NHS: variants seen among roughly 807,000 people sequenced by gnomAD.
The protein encoded by NHS is actin remodeling regulator NHS.
NHS carries 5 observed loss-of-function variants against 72.5 expected under a neutral mutation model. The ratio of observed to expected loss-of-function variants is 0.07; its 90% CI spans 0.04 to 0.14. The LOEUF (loss-of-function observed/expected upper bound fraction) is 0.14. NHS is among the 10% of genes least tolerant of loss of function. The pLI, the probability that NHS is intolerant of heterozygous loss-of-function variation, is 1.00. For synonymous variants in NHS, 464 were observed against 547.7 expected (o/e 0.85, Z 2.13); for missense variants, 1,072 against 1,355.7 (o/e 0.79, Z 3.29).
At position 17,455,835 on chromosome X, in the gene NHS, G is replaced by T. The variant is rs984135548; in HGVS notation, c.565+79513G>T. ...CTCAACTCAGAGTTGAGCTGCTTTT[G>T]CTTGATGTGGCAGTTGAACCCCTCC... On this transcript the variant is annotated intron_variant, in intron 1 of 8. Coordinates refer to ENST00000676302, the MANE Select transcript of NHS (RefSeq NM_001291867.2). 2.7e-5 allele frequency among the ~76,000 whole-genome samples: 3 copies of T among 111,218 alleles called. No homozygotes were observed. In the East Asian group the frequency reaches 8.5e-4, roughly 31 times the overall value.
chrX:17,645,981 C>A (rs1359456118), intron 1 of NHS, among the ~76,000 whole-genome samples: 2 of 111,536 alleles, frequency 1.8e-5, no homozygotes, highest in African/African-American at 3.3e-5. Context: ...TAGGTTCTTG[C>A]TCTTCTGACA....
chrX:17,653,254 G>A (rs1465136173), intron 1 of NHS, among the ~76,000 whole-genome samples: 4 of 111,394 alleles, frequency 3.6e-5, no homozygotes, highest in Non-Finnish European at 7.5e-5. Flanking sequence ...TATAAATTAG[G>A]TATTCTTATT....
intron 1 of NHS, among the ~76,000 whole-genome samples, chrX:17,613,093 C>T (rs1301897633): frequency 1.8e-5 from 2 of 110,394 alleles, no homozygotes; most frequent in East Asian, 5.7e-4. Flanking sequence ...GGTGCTAAGG[C>T]TGGGCACAGT....
Position 17,603,322 on chromosome X carries a change from C to T in NHS, c.566-84420C>T, listed in dbSNP as rs186512266. Among the ~76,000 whole-genome samples the T allele has an allele frequency of 2.2e-4, 25 of 112,212 alleles. No homozygotes were observed. In the East Asian group the frequency reaches 3.6e-3, roughly 16 times the overall value. ...ATTTCTTTTCTTTGGAATTTAGCAA[C>T]GGTGATTTTAGGCTTGGGGGTTTAA... On this transcript the variant is annotated intron_variant, in intron 1 of 8. Coordinates refer to ENST00000676302, the MANE Select transcript of NHS (RefSeq NM_001291867.2).
chrX:17,437,588 C>G (rs1388369317), intron 1 of NHS, among the ~76,000 whole-genome samples: 1 of 111,246 alleles, frequency 9.0e-6, no homozygotes, highest in African/African-American at 3.3e-5. Flanking sequence ...TTTCCGGTGT[C>G]ATAGTGATCA....
At chrX:17,682,792 G>C (rs752724527) in intron 1 of NHS, among the ~76,000 whole-genome samples, 2 of 111,091 alleles carry the variant, frequency 1.8e-5, no homozygotes. Flanking sequence ...AAAGCTGTAA[G>C]GCAATGGGAT....
intron 3 of NHS, among the ~76,000 whole-genome samples, chrX:17,704,211 G>A (rs915172301): frequency 9.0e-6 from 1 of 111,060 alleles, no homozygotes; most frequent in African/African-American, 3.3e-5. Flanking sequence ...CCAGGAGTTG[G>A]AGGCTGCAGT....
At chrX:17,663,845 TA>T (rs2065994626) in intron 1 of NHS, among the ~76,000 whole-genome samples, 1 of 111,999 alleles carries the variant, frequency 8.9e-6, no homozygotes, top group Admixed American at 9.4e-5. Context: ...ATCAGGGTTC[TA>T]GTTGTTCTGC....
At chrX:17,706,314 A>C (rs910723781) in intron 3 of NHS, among the ~76,000 whole-genome samples, 1 of 111,710 alleles carries the variant, frequency 9.0e-6, no homozygotes, top group Non-Finnish European at 1.9e-5. Context: ...AAACTGACAA[A>C]ATTTAAATAA....
At chrX:17,496,727 A>G (rs2065014224) in intron 1 of NHS, among the ~76,000 whole-genome samples, 1 of 111,262 alleles carries the variant, frequency 9.0e-6, no homozygotes, top group African/African-American at 3.3e-5. Context: ...AATAATTTCA[A>G]CCTTTGTTAT....
intron 1 of NHS, among the ~76,000 whole-genome samples, chrX:17,537,139 C>G (rs1043624325): frequency 8.9e-6 from 1 of 112,427 alleles, no homozygotes; most frequent in Non-Finnish European, 1.9e-5. Flanking sequence ...TTCCTTCCAT[C>G]TGTCCCATCT....
intron 1 of NHS, among the ~76,000 whole-genome samples, chrX:17,436,221 C>T (rs912134921): frequency 9.0e-6 from 1 of 111,508 alleles, no homozygotes; most frequent in Non-Finnish European, 1.9e-5. Context: ...GGTTGTGTCT[C>T]TCAGAAGGTT....
At chrX:17,537,144 C>G (rs923860818) in intron 1 of NHS, among the ~76,000 whole-genome samples, 1 of 112,122 alleles carries the variant, frequency 8.9e-6, no homozygotes, top group Non-Finnish European at 1.9e-5. Flanking sequence ...TCCATCTGTC[C>G]CATCTCGGGC....
At chrX:17,435,837 G>A (rs959933189) in intron 1 of NHS, among the ~76,000 whole-genome samples, 1 of 111,830 alleles carries the variant, frequency 8.9e-6, no homozygotes, top group Admixed American at 9.4e-5. Context: ...CTCCTCTTGG[G>A]CCTATCAGTC....
At chrX:17,712,288 TATAC>T (rs1466555799) in intron 3 of NHS, among the ~76,000 whole-genome samples, 108 of 74,119 alleles carry the variant, frequency 1.5e-3, no homozygotes, top group Non-Finnish European at 2.0e-3. Flanking sequence ...TATATATATA[TATAC>T]ACACACACAC....
At chrX:17,419,613 A>G (rs747174746) in intron 1 of NHS, among the ~76,000 whole-genome samples, 27 of 110,950 alleles carry the variant, frequency 2.4e-4, no homozygotes, top group Non-Finnish European at 4.1e-4. Context: ...GTGCATATAT[A>G]TGATAGAAAG....
intron 1 of NHS, among the ~76,000 whole-genome samples, chrX:17,594,692 C>T (rs1004408221): frequency 1.2e-4 from 13 of 112,790 alleles, no homozygotes; most frequent in African/African-American, 3.9e-4. Context: ...CAGGAGAAGA[C>T]ACTGAGACAT....
intron 3 of NHS, among the ~76,000 whole-genome samples, chrX:17,700,880 C>T (rs2066259975): frequency 9.0e-6 from 1 of 111,579 alleles, no homozygotes; most frequent in Admixed American, 9.5e-5. Flanking sequence ...AAAGTGCCTA[C>T]AGTATGCTAC....
At position 17,700,840 on chromosome X, in the gene NHS, T is replaced by A. The variant is rs1376246373; in HGVS notation, c.852+8372T>A. On this transcript the variant is annotated intron_variant, in intron 3 of 8. Coordinates refer to ENST00000676302, the MANE Select transcript of NHS (RefSeq NM_001291867.2). Reference sequence around the variant, plus strand: ...CTGATAAGGAGTGATTTCTAAGGCATACTCTTAACTGAAAAAGGCAAAGCC... The same window carrying A: ...CTGATAAGGAGTGATTTCTAAGGCAAACTCTTAACTGAAAAAGGCAAAGCC... 1.1e-4 allele frequency among the ~76,000 whole-genome samples: 12 copies of A among 111,882 alleles called. No individual in the cohort carries two copies. In the Admixed American group the frequency reaches 1.1e-3, roughly 11 times the overall value.
Sources: allele counts gnomAD v4.1 joint callset (sites outside exome capture counted in the v4.1 genomes callset), GRCh38; gene constraint gnomAD v4.1.1; transcripts MANE v1.5; gene names NCBI Gene and HGNC (gene_info 2026-07-23, HGNC 2026-07-21).